UBE2C: variants seen among roughly 807,000 people sequenced by gnomAD.
UBE2C encodes ubiquitin conjugating enzyme E2 C.
UBE2C carries 16 observed loss-of-function variants against 23.5 expected under a neutral mutation model. That is an observed-to-expected ratio of 0.68 (90% CI 0.46 to 1.03). The LOEUF is 1.03. UBE2C is among the 50% of genes least tolerant of loss of function. The pLI, the probability that UBE2C is intolerant of heterozygous loss-of-function variation, is 0.00. For missense variants in UBE2C, 192 were observed against 227.6 expected (o/e 0.84, Z 1.01); for synonymous variants, 76 against 91.6 (o/e 0.83, Z 0.97).
intron 5 of UBE2C, 91 bp from the exon 6 acceptor site, chr20:45,816,618 C>G: frequency 1.6e-6 from 2 of 1,227,546 alleles, no homozygotes; most frequent in Non-Finnish European, 2.4e-6. Flanking sequence ...GCTTGGTCAA[C>G]AGAGTGAGAC....
chr20:45,815,281 G>T, intron 3 of UBE2C: 1 of 1,161,466 alleles, frequency 8.6e-7, no homozygotes, highest in Non-Finnish European at 1.2e-6. Flanking sequence ...CACTTTGGGA[G>T]GCTGAGGCAG....
chr20:45,814,243 C>A, intron 2 of UBE2C, 141 bp from the exon 3 acceptor site: 2 of 317,444 alleles, frequency 6.3e-6, no homozygotes, highest in Non-Finnish European at 1.1e-5. Context: ...TGTGTGTATA[C>A]ATATATATGT....
chr20:45,814,815 G>A (rs74801324), intron 3 of UBE2C, among the ~76,000 whole-genome samples: 1,920 of 151,884 alleles, frequency 0.013, 49 homozygotes, highest in African/African-American at 0.044. Context: ...TAATTTTTAC[G>A]TATTAGCAAC....
At chr20:45,815,453 G>T in intron 3 of UBE2C, 88 bp from the exon 4 acceptor site, 1 of 1,614,128 alleles carries the variant, frequency 6.2e-7, no homozygotes, top group South Asian at 1.1e-5. Flanking sequence ...AGAAACTCAA[G>T]ATTCTAGCAA....
chr20:45,816,387 G>A (rs1477861165), intron 5 of UBE2C, among the ~76,000 whole-genome samples: 4 of 152,204 alleles, frequency 2.6e-5, no homozygotes, highest in Non-Finnish European at 2.9e-5. Flanking sequence ...TGTAATCCTA[G>A]CACTTGGGGA....
chr20:45,813,969 G>A (rs1245994534), intron 2 of UBE2C, among the ~76,000 whole-genome samples: 1 of 151,836 alleles, frequency 6.6e-6, no homozygotes, highest in Admixed American at 6.6e-5. Flanking sequence ...TCCAGGCATG[G>A]TGGTGCATGC....
chr20:45,814,301 A>ATATAT (rs1568714809), intron 2 of UBE2C, 83 bp from the exon 3 acceptor site: 2 of 469,696 alleles, frequency 4.3e-6, no homozygotes, highest in African/African-American at 1.1e-4. Context: ...TATATATATA[A>ATATAT]AATTAAGGGG....
chr20:45,813,051 C>A, intron 1 of UBE2C: 1 of 1,415,334 alleles, frequency 7.1e-7, no homozygotes, highest in Non-Finnish European at 9.2e-7. Flanking sequence ...TCAGACCGCT[C>A]TTTGAGACTC....
At chr20:45,812,863 T>G (rs1982050680) in intron 1 of UBE2C, 67 bp downstream of exon 1, 1 of 1,491,362 alleles carries the variant, frequency 6.7e-7, no homozygotes, top group African/African-American at 1.4e-5. Context: ...AGAGCAAAGA[T>G]TTCTAGGACC....
rs989643262 is a variant in UBE2C at position 45,812,665 on chromosome 20, G to C, written c.-31G>C. On this transcript the variant is annotated 5_prime_UTR_variant, in exon 1 of 6. Coordinates refer to ENST00000356455, the MANE Select transcript of UBE2C (RefSeq NM_007019.4). Reference sequence around the variant, plus strand: ...TCCTGCAGTTGCAGTCGTGTTCTCCGAGTTCCTGTCTCTCTGCCAACGCCG... The same window carrying C: ...TCCTGCAGTTGCAGTCGTGTTCTCCCAGTTCCTGTCTCTCTGCCAACGCCG... The C allele has an allele frequency of 5.2e-6, 8 of 1,550,052 alleles. No homozygotes were observed. The highest frequency in any genetic ancestry group is 6.1e-6 in the Non-Finnish European group (7 of 1,146,420).
At position 45,815,933 on chromosome 20, in the gene UBE2C, G is replaced by A. The variant is rs377377495; in HGVS notation, c.481+20G>A. The stretch of plus-strand genomic sequence containing the variant: ...CCACAGGTGAGTCCTCAGTCCTTGA[G>A]CCCAGGGTGATCCCTCCCCCAACCT... On this transcript the variant is annotated intron_variant, in intron 5 of 5. Transcript: ENST00000356455. 612 of 1,613,534 alleles carry A rather than the reference G, an allele frequency of 3.8e-4. 3 individuals are homozygous for A. In the African/African-American group the frequency reaches 7.4e-3, roughly 20 times the overall value.
chr20:45,814,575 T>A, intron 3 of UBE2C, 105 bp downstream of exon 3: 1 of 810,344 alleles, frequency 1.2e-6, no homozygotes. Flanking sequence ...ACACTCCTCC[T>A]GTGACTGTTT....
In UBE2C at chr20:45,814,555, G is replaced by A. The variant is rs980429544; in HGVS notation, c.216+85G>A. ...GTGCGAGCTCTGCTTCAAGCCTTTG[G>A]CGGAGCAAGACACTCCTCCTGTGAC... On this transcript the variant is annotated intron_variant, in intron 3 of 5. Transcript: ENST00000356455. 609 of 1,098,444 alleles carry A rather than the reference G, an allele frequency of 5.5e-4. 1 individual carries two copies. The highest frequency in any genetic ancestry group is 7.7e-4 in the Non-Finnish European group (573 of 746,104). 68.0% of individuals were successfully genotyped at this position (1,098,444 alleles called of 1,614,324 possible). A position where few individuals can be genotyped will look rare whatever the true frequency, so the allele number is the denominator to read the frequency against.
rs200594683 is a variant in UBE2C at position 45,813,480 on chromosome 20, C to T, written c.129+16C>T. ...GACCCTCATGGTGAGTGATTAAGTG[C>T]CCAGAACCCCAGCCTTCCATCCAAT... On this transcript the variant is annotated intron_variant, in intron 2 of 5. Transcript: ENST00000356455. The T allele has an allele frequency of 8.1e-6, 13 of 1,614,106 alleles. No individual in the cohort carries two copies. The highest frequency in any genetic ancestry group is 1.7e-4 in the Middle Eastern group (1 of 6,060).
chr20:45,814,221 CAT>C (rs71181863), intron 2 of UBE2C, among the ~76,000 whole-genome samples, 161 bp from the exon 3 acceptor site: 67,524 of 142,576 alleles, frequency 0.47, 18,435 homozygotes, highest in Non-Finnish European at 0.61. Flanking sequence ...TATATATACA[CAT>C]ATATATGTGT....
chr20:45,816,257 A>G (rs1982544229), intron 5 of UBE2C, among the ~76,000 whole-genome samples: 1 of 152,204 alleles, frequency 6.6e-6, no homozygotes, highest in Non-Finnish European at 1.5e-5. Flanking sequence ...TGGGCAGTGC[A>G]GGGAGAATGC....
At chr20:45,816,021 G>A in intron 5 of UBE2C, 108 bp downstream of exon 5, 1 of 1,225,830 alleles carries the variant, frequency 8.2e-7, no homozygotes. Context: ...GGGGCAGGGT[G>A]GAGTGTCGGC....
chr20:45,812,936 CG>C, intron 1 of UBE2C, 140 bp downstream of exon 1: 2 of 1,429,014 alleles, frequency 1.4e-6, no homozygotes, highest in Non-Finnish European at 9.1e-7. Flanking sequence ...ACCAGGAGCT[CG>C]GGGCCTGGCA....
In UBE2C at chr20:45,816,833, G is replaced by A. The variant is rs1982614734; in HGVS notation, c.*66G>A. ...TTTCCTTAGATGGTCTGTCCTTTTT[G>A]TGATTTCTGTATAGGACTCTTTATC... is the stretch of plus-strand genomic sequence containing the variant. On this transcript the variant is annotated 3_prime_UTR_variant, in exon 6 of 6. Coordinates refer to ENST00000356455, the MANE Select transcript of UBE2C (RefSeq NM_007019.4). 23 of 1,428,352 alleles carry A rather than the reference G, an allele frequency of 1.6e-5. No homozygotes were observed. The South Asian group carries it at 2.3e-4, about 14-fold the overall frequency. 88.5% of individuals were successfully genotyped at this position (1,428,352 alleles called of 1,614,324 possible).
Sources: gnomAD v4.1 joint callset for allele counts (sites outside exome capture counted in the v4.1 genomes callset) on GRCh38, gnomAD v4.1.1 for gene constraint, MANE v1.5 for transcripts, NCBI Gene and HGNC (gene_info 2026-07-23, HGNC 2026-07-21) for gene names.